The following GRAMD2B variants were observed in gnomAD, a reference collection of about 807,000 sequenced individuals.
GRAMD2B encodes the protein GRAM domain containing 2B.
GRAMD2B carries 41 observed loss-of-function variants against 59.2 expected under a neutral mutation model. The observed-to-expected ratio is 0.69, with a 90% CI of 0.54 to 0.90. GRAMD2B has a LOEUF of 0.90. Ranked by LOEUF, GRAMD2B falls within the 40% of genes least tolerant of loss-of-function variation. The pLI, the probability that GRAMD2B is intolerant of heterozygous loss-of-function variation, is 0.00. For synonymous variants in GRAMD2B, 161 were observed against 182.7 expected, an observed-to-expected ratio of 0.88 and a Z score of 0.96; for missense variants, 424 against 500.5, an observed-to-expected ratio of 0.85 and a Z score of 1.46.
chr5:126,365,645 A>G (rs148935658), intron 1 of GRAMD2B, among the ~76,000 whole-genome samples: 4 of 152,194 alleles, frequency 2.6e-5, no homozygotes, highest in African/African-American at 9.6e-5. Flanking sequence ...CAGCAGCTTG[A>G]AATCAGCTGT....
At chr5:126,417,855 AC>A (rs1237822357) in intron 1 of GRAMD2B, among the ~76,000 whole-genome samples, 1 of 151,846 alleles carries the variant, frequency 6.6e-6, no homozygotes, top group Admixed American at 6.6e-5. Context: ...CCCTAAAAGT[AC>A]CCCCCTGCAA....
intron 2 of GRAMD2B, among the ~76,000 whole-genome samples, 172 bp downstream of exon 2, chr5:126,465,717 C>A (rs2126786071): frequency 6.6e-6 from 1 of 152,224 alleles, no homozygotes. Context: ...TCTTTTTCTC[C>A]CTCCTGCCCC....
chr5:126,376,392 A>G (rs573347918), intron 1 of GRAMD2B, among the ~76,000 whole-genome samples: 1 of 152,190 alleles, frequency 6.6e-6, no homozygotes, highest in African/African-American at 2.4e-5. Context: ...CACACTCATT[A>G]TGCCTCCATT....
chr5:126,463,682 G>A (rs997423440), intron 1 of GRAMD2B, among the ~76,000 whole-genome samples: 7 of 152,164 alleles, frequency 4.6e-5, no homozygotes, highest in Non-Finnish European at 1.0e-4. Context: ...CCTCAGATAT[G>A]TATCTACTAG....
intron 12 of GRAMD2B, among the ~76,000 whole-genome samples, chr5:126,487,960 G>C (rs954778052): frequency 6.6e-6 from 1 of 152,146 alleles, no homozygotes; most frequent in Non-Finnish European, 1.5e-5. Context: ...GTAGGTCTGG[G>C]ATGAGGCCTG....
chr5:126,380,713 G>A (rs796695034), intron 1 of GRAMD2B, among the ~76,000 whole-genome samples: 33 of 152,210 alleles, frequency 2.2e-4, no homozygotes, highest in African/African-American at 7.9e-4. Flanking sequence ...GTCGCTGTTG[G>A]TATATAGCAA....
intron 1 of GRAMD2B, among the ~76,000 whole-genome samples, chr5:126,415,599 AG>A (rs1267651580): frequency 6.6e-6 from 1 of 152,164 alleles, no homozygotes; most frequent in Non-Finnish European, 1.5e-5. Context: ...TCAACCAAAA[AG>A]TGAAAGTAAA....
intron 9 of GRAMD2B, 34 bp from the exon 10 acceptor site, chr5:126,484,368 A>G (rs1772468104): frequency 5.0e-6 from 8 of 1,603,314 alleles, no homozygotes; most frequent in Non-Finnish European, 6.8e-6. Flanking sequence ...TACATTGGAG[A>G]GAACACTTAC....
intron 1 of GRAMD2B, among the ~76,000 whole-genome samples, chr5:126,452,405 T>G (rs1478120330): frequency 6.6e-6 from 1 of 152,194 alleles, no homozygotes; most frequent in African/African-American, 2.4e-5. Flanking sequence ...AAATGTTTGG[T>G]GGACACAAAC....
At chr5:126,360,265 G>A in exon 1 of GRAMD2B, 1 of 1,528,656 alleles carries the variant, frequency 6.5e-7, no homozygotes. Context: ...GGGCAGATCT[G>A]GTGTAAATAC....
upstream of GRAMD2B, among the ~76,000 whole-genome samples, chr5:126,368,374 A>T (rs1051150750): frequency 6.6e-6 from 1 of 152,268 alleles, no homozygotes; most frequent in African/African-American, 2.4e-5. Context: ...TAATCTTGAA[A>T]ATAAAGCTGT....
chr5:126,447,380 A>C (rs915871326), intron 1 of GRAMD2B, among the ~76,000 whole-genome samples: 16 of 152,172 alleles, frequency 1.1e-4, no homozygotes, highest in African/African-American at 3.4e-4. Flanking sequence ...CAGAAAGCCT[A>C]GGCCGGGCGC....
chr5:126,369,545 A>C (rs1754636197), upstream of GRAMD2B, among the ~76,000 whole-genome samples: 1 of 152,152 alleles, frequency 6.6e-6, no homozygotes, highest in Non-Finnish European at 1.5e-5. Flanking sequence ...TTAACTTTTC[A>C]GTTATGTAGA....
rs1774364882 is a variant in GRAMD2B at position 126,494,141 on chromosome 5, T to C, written c.*1185T>C. The C allele has an allele frequency of 6.6e-6, 1 of 152,622 alleles. No homozygotes were observed. Among genetic ancestry groups the C allele is most frequent in the Admixed American group, 6.5e-5 (1 of 15,268 alleles). 9.5% of individuals were successfully genotyped at this position (152,622 alleles called of 1,614,324 possible). The stretch of plus-strand genomic sequence containing the variant: ...ACCTCTGGCTTTTAATAAATACTCA[T>C]TGGTTGAAACACCCTGCTAACACTG... On this transcript the variant is annotated 3_prime_UTR_variant, in exon 14 of 14. Transcript: ENST00000285689.
chr5:126,360,897 C>T (rs1754189751), intron 1 of GRAMD2B, among the ~76,000 whole-genome samples: 1 of 152,180 alleles, frequency 6.6e-6, no homozygotes. Flanking sequence ...CATGAAGTCA[C>T]ACTTGCCATG....
intron 1 of GRAMD2B, among the ~76,000 whole-genome samples, chr5:126,409,172 G>C (rs952138106): frequency 1.3e-5 from 2 of 152,108 alleles, no homozygotes; most frequent in African/African-American, 4.8e-5. Flanking sequence ...CTTTATAGCA[G>C]CATGATTTAT....
intron 1 of GRAMD2B, among the ~76,000 whole-genome samples, chr5:126,386,358 C>G (rs1756130955): frequency 6.6e-6 from 1 of 152,160 alleles, no homozygotes; most frequent in Non-Finnish European, 1.5e-5. Context: ...AAGCACGTTC[C>G]AAGCTGAGTA....
intron 2 of GRAMD2B, chr5:126,467,705 T>G (rs1476159310): frequency 1.4e-4 from 22 of 152,202 alleles, no homozygotes; most frequent in Admixed American, 1.4e-3. Flanking sequence ...GAACAAATGT[T>G]TTTTCATAGC....
chr5:126,475,081 C>T (rs115501334), intron 5 of GRAMD2B, among the ~76,000 whole-genome samples: 1,818 of 152,190 alleles, frequency 0.012, 35 homozygotes, highest in African/African-American at 0.042. Context: ...TCAAGTTCCC[C>T]TTCTAAAGCA....
Sources: allele counts gnomAD v4.1 joint callset (sites outside exome capture counted in the v4.1 genomes callset), GRCh38; gene constraint gnomAD v4.1.1; transcripts MANE v1.5; gene names NCBI Gene and HGNC (gene_info 2026-07-23, HGNC 2026-07-21).